RPS6KC1: variants seen among roughly 807,000 people sequenced by gnomAD.
RPS6KC1 encodes the protein ribosomal protein S6 kinase C1.
Under a neutral mutation model 103.8 loss-of-function variants are expected in RPS6KC1, and 54 were observed. The ratio of observed to expected loss-of-function variants is 0.52; its 90% confidence interval spans 0.42 to 0.65. The LOEUF (loss-of-function observed/expected upper bound fraction) is 0.65. Among genes scored for constraint, RPS6KC1 ranks in the 30% least tolerant of loss-of-function variants. The probability of loss-of-function intolerance (pLI) is 0.00; values close to 1 mark genes in which losing one functional copy is unlikely to be tolerated. For missense variants in RPS6KC1, 1,151 were observed against 1,253.8 expected (o/e 0.92, Z 1.24); for synonymous variants, 439 against 438.7 (o/e 1.00, Z -0.01).
chr1:213,668,769 A>G, the RPS6KC1 span, among the ~76,000 whole-genome samples: 1 of 152,286 alleles, frequency 6.6e-6, no homozygotes, highest in East Asian at 1.9e-4. Context: ...ACCTTCATCA[A>G]TGATCCTAGT....
the RPS6KC1 span, among the ~76,000 whole-genome samples, chr1:213,316,392 T>C: frequency 2.6e-5 from 4 of 152,238 alleles, no homozygotes; most frequent in African/African-American, 7.2e-5. Flanking sequence ...GTAGGGTGTT[T>C]AGTCCGAGGA....
the RPS6KC1 span, among the ~76,000 whole-genome samples, chr1:213,767,925 A>G: frequency 6.6e-6 from 1 of 152,216 alleles, no homozygotes; most frequent in Non-Finnish European, 1.5e-5. Flanking sequence ...TCACGCCGCA[A>G]GCATTCACAG....
At chr1:213,191,215 A>G (rs936768489) in intron 8 of RPS6KC1, among the ~76,000 whole-genome samples, 2 of 152,164 alleles carry the variant, frequency 1.3e-5, no homozygotes, top group Non-Finnish European at 2.9e-5. Flanking sequence ...AGATTGCATT[A>G]AATCTGTAGA....
chr1:213,715,991 A>G, the RPS6KC1 span, among the ~76,000 whole-genome samples: 1 of 152,216 alleles, frequency 6.6e-6, no homozygotes, highest in Admixed American at 6.5e-5. Context: ...AGCATTTTCT[A>G]AAATATTTTG....
At chr1:213,426,176 G>A in the RPS6KC1 span, among the ~76,000 whole-genome samples, 2 of 152,128 alleles carry the variant, frequency 1.3e-5, no homozygotes, top group East Asian at 3.9e-4. Flanking sequence ...TGACTGCCAG[G>A]TGACCTCTCC....
chr1:213,684,455 T>A, the RPS6KC1 span, among the ~76,000 whole-genome samples: 1 of 152,234 alleles, frequency 6.6e-6, no homozygotes, highest in Admixed American at 6.5e-5. Flanking sequence ...CCATTACCCC[T>A]AAAACACCCC....
chr1:213,259,223 A>T (rs2094721867), intron 12 of RPS6KC1, among the ~76,000 whole-genome samples: 1 of 152,220 alleles, frequency 6.6e-6, no homozygotes, highest in Non-Finnish European at 1.5e-5. Flanking sequence ...GTACTTTAAA[A>T]ATTTAAACAT....
At chr1:213,100,627 T>C (rs1307306699) in intron 3 of RPS6KC1, among the ~76,000 whole-genome samples, 2 of 152,180 alleles carry the variant, frequency 1.3e-5, no homozygotes, top group Non-Finnish European at 2.9e-5. Context: ...GTTGTGCCCA[T>C]CTCTGTGTCC....
the RPS6KC1 span, among the ~76,000 whole-genome samples, chr1:213,537,122 C>T: frequency 6.6e-6 from 1 of 152,194 alleles, no homozygotes; most frequent in African/African-American, 2.4e-5. Context: ...ATGGCCTCCA[C>T]CTGGCAACTT....
intron 6 of RPS6KC1, 140 bp from the exon 7 acceptor site, chr1:213,167,718 T>G (rs986844184): frequency 3.5e-5 from 17 of 484,110 alleles, no homozygotes; most frequent in South Asian, 1.2e-4. Context: ...TACTAATAAC[T>G]TTCATGTCTT....
At chr1:213,362,006 G>T in the RPS6KC1 span, among the ~76,000 whole-genome samples, 1 of 152,204 alleles carries the variant, frequency 6.6e-6, no homozygotes, top group Non-Finnish European at 1.5e-5. Flanking sequence ...CTGACAGATG[G>T]TAAATTATTT....
the RPS6KC1 span, among the ~76,000 whole-genome samples, chr1:213,527,940 ATATATT>A: frequency 6.6e-6 from 1 of 152,182 alleles, no homozygotes; most frequent in African/African-American, 2.4e-5. Context: ...ATAAGGAAAA[ATATATT>A]TATTATTTAT....
At chr1:213,820,934 C>T in the RPS6KC1 span, 1 of 152,186 alleles carries the variant, frequency 6.6e-6, no homozygotes, top group Non-Finnish European at 1.5e-5. Context: ...AAAACACCCG[C>T]TCCCCAAGCA....
At chr1:213,275,436 A>T (rs1470090966), downstream of RPS6KC1, among the ~76,000 whole-genome samples, 1 of 152,202 alleles carries the variant, frequency 6.6e-6, no homozygotes, top group African/African-American at 2.4e-5. Flanking sequence ...CTAAGATATA[A>T]TATAAAAATC....
At chr1:213,226,958 G>T (rs2093978130) in intron 8 of RPS6KC1, among the ~76,000 whole-genome samples, 1 of 152,212 alleles carries the variant, frequency 6.6e-6, no homozygotes, top group Admixed American at 6.5e-5. Flanking sequence ...CCTGGAGCCA[G>T]ACTACCCTCT....
chr1:213,455,473 CT>C, the RPS6KC1 span, among the ~76,000 whole-genome samples: 1 of 152,180 alleles, frequency 6.6e-6, no homozygotes, highest in Admixed American at 6.5e-5. Context: ...GGGACAGGTA[CT>C]GAGTTCTGTC....
chr1:213,132,475 T>G (rs2085754761), intron 6 of RPS6KC1, among the ~76,000 whole-genome samples: 1 of 152,210 alleles, frequency 6.6e-6, no homozygotes, highest in African/African-American at 2.4e-5. Flanking sequence ...GTGTCAAATG[T>G]AAGATCAGGA....
the RPS6KC1 span, among the ~76,000 whole-genome samples, chr1:213,412,791 C>T: frequency 6.6e-5 from 10 of 152,360 alleles, no homozygotes; most frequent in South Asian, 8.3e-4. Context: ...GGCTGCTTCT[C>T]TGTTATTCCC....
chr1:213,459,527 A>T, the RPS6KC1 span, among the ~76,000 whole-genome samples: 14 of 151,666 alleles, frequency 9.2e-5, no homozygotes, highest in African/African-American at 1.2e-4. Flanking sequence ...TTAATCTTTT[A>T]AAAAAAACCA....
Sources: gnomAD v4.1 joint callset for allele counts (sites outside exome capture counted in the v4.1 genomes callset) on GRCh38, gnomAD v4.1.1 for gene constraint, MANE v1.5 for transcripts, NCBI Gene and HGNC (gene_info 2026-07-23, HGNC 2026-07-21) for gene names.